The following C12orf50 variants were observed in gnomAD, a reference collection of about 807,000 sequenced individuals.
C12orf50 encodes the protein uncharacterized protein C12orf50.
A neutral mutation model predicts 61.6 loss-of-function variants in C12orf50; 35 were observed. The ratio of observed to expected loss-of-function variants is 0.57; its 90% CI spans 0.43 to 0.75. The LOEUF is 0.75. C12orf50 is among the 30% of genes least tolerant of loss of function. The pLI, the probability that C12orf50 is intolerant of heterozygous loss-of-function variation, is 0.00. For missense variants in C12orf50, 475 were observed against 488.5 expected (o/e 0.97, Z 0.26); for synonymous variants, 178 against 161.5 (o/e 1.10, Z -0.77).
chr12:88,020,748 A>G (rs2032485027), intron 3 of C12orf50, among the ~76,000 whole-genome samples: 1 of 152,062 alleles, frequency 6.6e-6, no homozygotes, highest in Admixed American at 6.5e-5. Flanking sequence ...TCTCATCATC[A>G]CATGACACAT....
intron 3 of C12orf50, among the ~76,000 whole-genome samples, chr12:88,017,100 G>A (rs1229313684): frequency 3.3e-5 from 5 of 152,196 alleles, no homozygotes. Flanking sequence ...GATTTGAGTA[G>A]AGCAAGCAAG....
intron 3 of C12orf50, among the ~76,000 whole-genome samples, chr12:88,020,539 C>T (rs1289683756): frequency 6.6e-6 from 1 of 152,142 alleles, no homozygotes; most frequent in African/African-American, 2.4e-5. Flanking sequence ...ATCCATAAAG[C>T]AAGTTCTTAG....
rs575364807 is a variant in C12orf50 at position 87,982,921 on chromosome 12, A to G, written c.1219+182T>C. Among the ~76,000 whole-genome samples the G allele has an allele frequency of 9.8e-5, 15 of 152,318 alleles. No individual in the cohort carries two copies. In the East Asian group the frequency reaches 2.9e-3, roughly 29 times the overall value. On this transcript the variant is annotated intron_variant, in intron 12 of 12. Transcript: ENST00000298699. ...CATAAAAATAGGCAAAGAGGAACAC[A>G]GTAAAACAGTAAAATTACATTACTA...
chr12:88,004,100 A>G (rs1178420998), intron 3 of C12orf50, among the ~76,000 whole-genome samples: 1 of 151,592 alleles, frequency 6.6e-6, no homozygotes, highest in Non-Finnish European at 1.5e-5. Flanking sequence ...CAAAATTTCA[A>G]TTTGTTAGGG....
chr12:88,019,094 T>C (rs1378671317), intron 3 of C12orf50, among the ~76,000 whole-genome samples: 2 of 152,088 alleles, frequency 1.3e-5, no homozygotes, highest in South Asian at 2.1e-4. Context: ...TGGAATGATA[T>C]GGTTTGGCTC....
At chr12:88,014,370 C>T (rs903115471) in intron 3 of C12orf50, among the ~76,000 whole-genome samples, 5 of 152,046 alleles carry the variant, frequency 3.3e-5, no homozygotes, top group South Asian at 2.1e-4. Context: ...GGCGCGATTT[C>T]GGCTCACTGC....
intron 3 of C12orf50, among the ~76,000 whole-genome samples, chr12:88,001,377 G>T (rs1460865789): frequency 6.6e-6 from 1 of 151,332 alleles, no homozygotes; most frequent in Non-Finnish European, 1.5e-5. Context: ...CTTAGTTATG[G>T]AATATAATCC....
intron 7 of C12orf50, among the ~76,000 whole-genome samples, chr12:87,993,165 A>G (rs1409678715): frequency 6.6e-6 from 1 of 152,210 alleles, no homozygotes; most frequent in Non-Finnish European, 1.5e-5. Context: ...GGCTAATGAC[A>G]GTATAATGAC....
intron 3 of C12orf50, among the ~76,000 whole-genome samples, chr12:88,018,182 G>A (rs752732188): frequency 6.6e-6 from 1 of 152,202 alleles, no homozygotes; most frequent in Non-Finnish European, 1.5e-5. Context: ...CATGGGCTAG[G>A]CCCAGGGTCC....
chr12:88,029,178 T>G (rs2032814201), intron 1 of C12orf50, 162 bp downstream of exon 1: 8,672 of 669,786 alleles, frequency 0.013, 1 homozygote, highest in Non-Finnish European at 0.018. Context: ...TATATATGAA[T>G]TTCAGGAATG....
intron 3 of C12orf50, among the ~76,000 whole-genome samples, chr12:88,025,922 T>C (rs1330669095): frequency 6.6e-6 from 1 of 152,208 alleles, no homozygotes; most frequent in Non-Finnish European, 1.5e-5. Flanking sequence ...GAACCAACTT[T>C]AAGGTACATC....
chr12:88,015,258 T>C (rs1289728063), intron 3 of C12orf50, among the ~76,000 whole-genome samples: 3 of 152,206 alleles, frequency 2.0e-5, no homozygotes, highest in African/African-American at 4.8e-5. Flanking sequence ...GACTGAAATA[T>C]TCAAGTCAAA....
chr12:88,019,993 G>A (rs2032456410), intron 3 of C12orf50, among the ~76,000 whole-genome samples: 1 of 152,154 alleles, frequency 6.6e-6, no homozygotes, highest in African/African-American at 2.4e-5. Flanking sequence ...CAAGTGCTGA[G>A]GGAATTTTTT....
At chr12:87,980,577 G>A (rs1182591437) in intron 12 of C12orf50, among the ~76,000 whole-genome samples, 1 of 152,128 alleles carries the variant, frequency 6.6e-6, no homozygotes, top group Non-Finnish European at 1.5e-5. Context: ...GAATGGAAGT[G>A]ACACCGTATA....
chr12:87,986,469 A>T, intron 9 of C12orf50, 53 bp from the exon 10 acceptor site: 1 of 1,293,882 alleles, frequency 7.7e-7, no homozygotes, highest in Non-Finnish European at 1.1e-6. Context: ...TCATCTCTGA[A>T]ATTACTGTAG....
chr12:88,029,147 T>A, intron 1 of C12orf50, 193 bp downstream of exon 1: 2 of 1,253,376 alleles, frequency 1.6e-6, no homozygotes, highest in South Asian at 2.7e-5. Context: ...GCTAATCCAA[T>A]GGTTTTTTTT....
chr12:87,980,329 GT>G lies in C12orf50; in HGVS notation c.*1del. The G allele has an allele frequency of 1.2e-6, 2 of 1,609,374 alleles. No homozygotes were observed. ...CATTTTTCTCTCTCTCAACCTCCAG[GT>G]TTACTTGCTCCCATTTCTTCTTGGC... On this transcript the variant is annotated 3_prime_UTR_variant, in exon 13 of 13. Transcript: ENST00000298699.
At position 87,998,182 on chromosome 12, in the gene C12orf50, G is replaced by T; in HGVS notation, c.142C>A (p.Leu48Ile). The change falls in exon 4 of 13, where the codon CTA becomes ATA. Residue 48 changes from leucine to isoleucine, a missense_variant. Transcript: ENST00000298699. ...ATTCCTTCCTGAATTTCTTTCTGTA[G>T]TGTGATATCTGCAGAGAAAATGCAA... ...LFLPPSSNIT[L>I]QKEIQEGIPL... 2 of 1,611,426 alleles carry T rather than the reference G, an allele frequency of 1.2e-6. No individual in the cohort carries two copies. The highest frequency in any genetic ancestry group is 1.7e-6 in the Non-Finnish European group (2 of 1,178,362).
intron 3 of C12orf50, among the ~76,000 whole-genome samples, chr12:88,025,952 C>T (rs902251023): frequency 4.6e-5 from 7 of 152,164 alleles, no homozygotes; most frequent in Admixed American, 1.3e-4. Context: ...AGTCTCAGTA[C>T]CATTTAGTTA....
Sources: gnomAD v4.1 joint callset for allele counts (sites outside exome capture counted in the v4.1 genomes callset) on GRCh38, gnomAD v4.1.1 for gene constraint, MANE v1.5 for transcripts, NCBI Gene and HGNC (gene_info 2026-07-23, HGNC 2026-07-21) for gene names.